Variants in LRRC4C observed in about 807,000 individuals in gnomAD.
The protein encoded by LRRC4C is leucine-rich repeat-containing protein 4C.
LRRC4C carries 5 observed loss-of-function variants against 33.6 expected under a neutral mutation model. The ratio of observed to expected loss-of-function variants is 0.15; its 90% CI spans 0.08 to 0.31. The LOEUF (loss-of-function observed/expected upper bound fraction) is 0.31. Ranked by LOEUF, LRRC4C falls within the 10% of genes least tolerant of loss-of-function variation. The pLI, the probability that LRRC4C is intolerant of heterozygous loss-of-function variation, is 1.00. For missense variants in LRRC4C, 560 were observed against 796.7 expected (o/e 0.70, Z 3.58); for synonymous variants, 329 against 302.0 (o/e 1.09, Z -0.93).
chr11:41,102,938 G>A (rs1941281659), intron 1 of LRRC4C, among the ~76,000 whole-genome samples: 1 of 151,534 alleles, frequency 6.6e-6, no homozygotes, highest in Admixed American at 6.6e-5. Context: ...AAATATAACT[G>A]GAAATCTGCA....
In LRRC4C at chr11:41,112,396, C is replaced by T. The variant is rs534112613; in HGVS notation, c.-495-178673G>A. Among the ~76,000 whole-genome samples the T allele has an allele frequency of 3.9e-5, 6 of 152,134 alleles. No individual in the cohort carries two copies. In the South Asian group the frequency reaches 1.2e-3, roughly 32 times the overall value. ...AATGAACTAGGAGACTGTGTTCTTC[C>T]CCTGTCTTAGATGCTGTCTATTAGG... On this transcript the variant is annotated intron_variant, in intron 1 of 6. Transcript: ENST00000528697.
At chr11:40,207,707 G>A (rs1863264031) in intron 5 of LRRC4C, among the ~76,000 whole-genome samples, 1 of 152,190 alleles carries the variant, frequency 6.6e-6, no homozygotes, top group African/African-American at 2.4e-5. Flanking sequence ...GGAATTTTAA[G>A]AGTTCATCAG....
intron 1 of LRRC4C, among the ~76,000 whole-genome samples, chr11:41,056,903 C>T (rs927410380): frequency 6.6e-6 from 1 of 152,154 alleles, no homozygotes; most frequent in Non-Finnish European, 1.5e-5. Flanking sequence ...TTCATGGAGC[C>T]AGCAGGAGTC....
chr11:41,412,265 T>C (rs1369344552), intron 1 of LRRC4C, among the ~76,000 whole-genome samples: 1 of 152,218 alleles, frequency 6.6e-6, no homozygotes, highest in Non-Finnish European at 1.5e-5. Flanking sequence ...GAATCTTTCC[T>C]AAATGTATGT....
At chr11:40,437,979 C>T (rs11604052) in intron 3 of LRRC4C, among the ~76,000 whole-genome samples, 25 of 152,344 alleles carry the variant, frequency 1.6e-4, no homozygotes, top group Non-Finnish European at 2.6e-4. Context: ...GGATTACAGA[C>T]TTGAGCCACC....
At chr11:40,800,443 A>C (rs776381851) in intron 2 of LRRC4C, among the ~76,000 whole-genome samples, 19 of 152,198 alleles carry the variant, frequency 1.2e-4, no homozygotes, top group Non-Finnish European at 2.5e-4. Flanking sequence ...ACATGTATGG[A>C]GACTGGATGA....
rs1245922431 is a variant in LRRC4C at position 41,327,494 on chromosome 11, C to A, written c.-496+131937G>T. Reference sequence around the variant, plus strand: ...AACCCAAGTGTACAAATAAACTTCCCCAATGTAGGAAACATAGATATTTAA... The same window carrying A: ...AACCCAAGTGTACAAATAAACTTCCACAATGTAGGAAACATAGATATTTAA... On this transcript the variant is annotated intron_variant, in intron 1 of 6. Transcript: ENST00000528697. 2.0e-5 allele frequency among the ~76,000 whole-genome samples: 3 copies of A among 152,152 alleles called. No homozygotes were observed. In the East Asian group the frequency reaches 5.8e-4, roughly 29 times the overall value.
intron 2 of LRRC4C, among the ~76,000 whole-genome samples, chr11:40,775,333 C>T (rs965115976): frequency 2.0e-5 from 3 of 151,934 alleles, no homozygotes; most frequent in Admixed American, 1.3e-4. Context: ...TGGCGTGAAC[C>T]CGGGAGGCGG....
At position 40,200,180 on chromosome 11, in the gene LRRC4C, T is replaced by TAAAAAAAAAAAAAAAAAA. The variant is rs56269292; in HGVS notation, c.-96+41321_-96+41338dup. On this transcript the variant is annotated intron_variant, in intron 5 of 6. Transcript: ENST00000528697. ...CAAAATGGAGAAAGCCTGTCTCCAC[T>TAAAAAAAAAAAAAAAAAA]AAAAAAAAAAAAAAAAAAAAAAAAA... 1.4e-3 allele frequency among the ~76,000 whole-genome samples: 36 copies of TAAAAAAAAAAAAAAAAAA among 26,048 alleles called. 2 individuals are homozygous for TAAAAAAAAAAAAAAAAAA. The highest frequency in any genetic ancestry group is 2.2e-3 in the Non-Finnish European group (31 of 14,224). 17.1% of individuals were successfully genotyped at this position (26,048 alleles called of 152,430 possible). A position where few individuals can be genotyped will look rare whatever the true frequency, so the allele number is the denominator to read the frequency against.
At chr11:41,443,455 G>A (rs2138562102) in intron 1 of LRRC4C, among the ~76,000 whole-genome samples, 1 of 152,208 alleles carries the variant, frequency 6.6e-6, no homozygotes, top group Middle Eastern at 3.4e-3. Context: ...GCTACAGTGA[G>A]CCCTCATCAT....
chr11:41,186,081 A>G (rs1452278363), intron 1 of LRRC4C, among the ~76,000 whole-genome samples: 2 of 152,124 alleles, frequency 1.3e-5, no homozygotes, highest in Non-Finnish European at 2.9e-5. Context: ...TAGATAAATG[A>G]CATGAATGTA....
chr11:41,160,439 A>G (rs1188702698), intron 1 of LRRC4C, among the ~76,000 whole-genome samples: 1 of 152,004 alleles, frequency 6.6e-6, no homozygotes, highest in Non-Finnish European at 1.5e-5. Flanking sequence ...TATTGTGTAC[A>G]TTTTACCACT....
chr11:41,044,699 G>T (rs895338707), intron 1 of LRRC4C, among the ~76,000 whole-genome samples: 1 of 152,088 alleles, frequency 6.6e-6, no homozygotes, highest in Non-Finnish European at 1.5e-5. Flanking sequence ...AACAGATCAA[G>T]TAGAACGCAG....
chr11:40,142,799 C>T (rs181304770), intron 5 of LRRC4C, among the ~76,000 whole-genome samples: 43 of 152,130 alleles, frequency 2.8e-4, no homozygotes, highest in African/African-American at 9.9e-4. Context: ...CTGAAGACTG[C>T]CAAACTTAAA....
chr11:40,326,651 C>T (rs1321327616), intron 3 of LRRC4C, among the ~76,000 whole-genome samples: 3 of 151,350 alleles, frequency 2.0e-5, no homozygotes, highest in South Asian at 2.1e-4. Flanking sequence ...CAAGGACGAA[C>T]AAAAAAACAT....
At chr11:41,347,006 T>C (rs1199892985) in intron 1 of LRRC4C, among the ~76,000 whole-genome samples, 1 of 152,242 alleles carries the variant, frequency 6.6e-6, no homozygotes, top group Non-Finnish European at 1.5e-5. Context: ...TTGAGGATTA[T>C]ACAATTCATA....
chr11:40,499,578 C>CA (rs138943368), intron 3 of LRRC4C, among the ~76,000 whole-genome samples: 2,290 of 152,126 alleles, frequency 0.015, 69 homozygotes, highest in African/African-American at 0.051. Context: ...AAAAGAGCCA[C>CA]AAAAAATGTT....
intron 2 of LRRC4C, among the ~76,000 whole-genome samples, chr11:40,819,399 G>T (rs1247346379): frequency 6.6e-6 from 1 of 152,132 alleles, no homozygotes; most frequent in Non-Finnish European, 1.5e-5. Context: ...CCGGAATTCT[G>T]CTACTTCCCC....
chr11:40,851,771 A>AAAAT (rs1423824129), intron 2 of LRRC4C, among the ~76,000 whole-genome samples: 4 of 152,150 alleles, frequency 2.6e-5, no homozygotes, highest in South Asian at 2.1e-4. Flanking sequence ...TCCGTCTCAA[A>AAAAT]AAATAAATAA....
Sources: gnomAD v4.1 joint callset for allele counts (sites outside exome capture counted in the v4.1 genomes callset) on GRCh38, gnomAD v4.1.1 for gene constraint, MANE v1.5 for transcripts, NCBI Gene and HGNC (gene_info 2026-07-23, HGNC 2026-07-21) for gene names.